The following MORC3 variants were observed in gnomAD, a reference collection of about 807,000 sequenced individuals.
MORC3 encodes MORC family CW-type zinc finger protein 3.
Under a neutral mutation model 109.1 loss-of-function variants are expected in MORC3, and 31 were observed. The observed-to-expected ratio is 0.28, with a 90% CI of 0.21 to 0.38. MORC3 has a LOEUF of 0.38. MORC3 is among the 10% of genes least tolerant of loss of function. MORC3 has a pLI of 1.00. For synonymous variants in MORC3, 395 were observed against 380.7 expected, an observed-to-expected ratio of 1.04 and a Z score of -0.44; for missense variants, 867 against 1,135.8, an observed-to-expected ratio of 0.76 and a Z score of 3.40.
chr21:36,355,258 C>T (rs1304816167), intron 9 of MORC3, among the ~76,000 whole-genome samples: 1 of 152,102 alleles, frequency 6.6e-6, no homozygotes, highest in African/African-American at 2.4e-5. Context: ...ACTTGGATGC[C>T]TTTGGTATTG....
At chr21:36,344,267 A>C (rs2085484002) in intron 6 of MORC3, among the ~76,000 whole-genome samples, 1 of 152,018 alleles carries the variant, frequency 6.6e-6, no homozygotes, top group African/African-American at 2.4e-5. Flanking sequence ...ACATATATAC[A>C]TTTTTTAAAA....
In MORC3 at chr21:36,341,448, A is replaced by C; in HGVS notation, c.658A>C (p.Arg220=). ...TTTTGAAAAGGATAAATATGATATC[A>C]GAATTCCCGAGGATTTAGATGAGAT... ...FDFEKDKYDI[R]IPEDLDEITG... is the part of the protein sequence containing the mutation. The change falls in exon 6 of 17, where the codon AGA becomes CGA. Residue 220 remains arginine, a synonymous_variant. Coordinates refer to ENST00000400485, the MANE Select transcript of MORC3 (RefSeq NM_015358.3). 6.2e-7 allele frequency: 1 copy of C among 1,613,214 alleles called. No individual in the cohort carries two copies. The highest frequency in any genetic ancestry group is 1.1e-5 in the South Asian group (1 of 90,770).
Position 36,336,999 on chromosome 21 carries a change from A to G in MORC3, c.238A>G (p.Met80Val). 1.2e-6 allele frequency: 2 copies of G among 1,609,540 alleles called. No homozygotes were observed. The highest frequency in any genetic ancestry group is 1.7e-6 in the Non-Finnish European group (2 of 1,178,616). ...TATGACTTCTGATAAATTACATAAAATGCTAAGGTAGGTAAAAATGTGCCA... is the reference window on the plus strand; with the variant it reads ...TATGACTTCTGATAAATTACATAAAGTGCTAAGGTAGGTAAAAATGTGCCA... Reference protein sequence around the residue: ...NGMTSDKLHKMLSFGFSDKVT... With the variant: ...NGMTSDKLHKVLSFGFSDKVT... Residue 80 changes from methionine (M) to valine (V), a missense_variant, in exon 3 of 17, where the codon ATG becomes GTG. Coordinates refer to ENST00000400485, the MANE Select transcript of MORC3 (RefSeq NM_015358.3).
At chr21:36,324,309 G>A (rs1185091569) in intron 1 of MORC3, among the ~76,000 whole-genome samples, 3 of 146,518 alleles carry the variant, frequency 2.0e-5, no homozygotes, top group Admixed American at 6.9e-5. Context: ...GAGTCTTCTC[G>A]CTCTGTCGTC....
At chr21:36,340,292 A>AAC (rs1487170082) in intron 5 of MORC3, among the ~76,000 whole-genome samples, 1 of 151,736 alleles carries the variant, frequency 6.6e-6, no homozygotes, top group Non-Finnish European at 1.5e-5. Flanking sequence ...AAAAAAAAAA[A>AAC]AACTATAGTA....
At chr21:36,341,336 T>C in intron 5 of MORC3, 63 bp from the exon 6 acceptor site, 2 of 1,447,712 alleles carry the variant, frequency 1.4e-6, no homozygotes, top group South Asian at 2.5e-5. Flanking sequence ...TGACTTACAG[T>C]GTTTGCTGGC....
At chr21:36,351,294 T>C (rs2085569419) in intron 9 of MORC3, among the ~76,000 whole-genome samples, 1 of 152,080 alleles carries the variant, frequency 6.6e-6, no homozygotes, top group South Asian at 2.1e-4. Flanking sequence ...TCTTGATCTG[T>C]TGACCTTGTG....
chr21:36,337,980 G>T (rs774089107), intron 4 of MORC3, 34 bp downstream of exon 4: 2 of 1,592,250 alleles, frequency 1.3e-6, no homozygotes, highest in African/African-American at 2.7e-5. Flanking sequence ...AAGCTGTGGA[G>T]AAACTGAAGA....
chr21:36,348,869 A>G (rs1258764340), intron 8 of MORC3, among the ~76,000 whole-genome samples: 1 of 151,960 alleles, frequency 6.6e-6, no homozygotes, highest in Non-Finnish European at 1.5e-5. Context: ...TCTAAATTTG[A>G]TGAGAATTGG....
chr21:36,372,338 T>C, intron 15 of MORC3, 36 bp from the exon 16 acceptor site: 1 of 1,484,552 alleles, frequency 6.7e-7, no homozygotes, highest in South Asian at 1.4e-5. Context: ...TATTTTTAAG[T>C]TTTACAGTTA....
intron 1 of MORC3, among the ~76,000 whole-genome samples, chr21:36,330,608 C>T (rs1292734858): frequency 6.6e-6 from 1 of 152,196 alleles, no homozygotes; most frequent in African/African-American, 2.4e-5. Flanking sequence ...CATGGTCACT[C>T]ATATTTGGCT....
At chr21:36,367,943 C>T (rs2085801012) in intron 14 of MORC3, among the ~76,000 whole-genome samples, 4 of 152,194 alleles carry the variant, frequency 2.6e-5, no homozygotes, top group Admixed American at 6.5e-5. Context: ...ATGTTTTCAT[C>T]ATGCAAAACT....
chr21:36,336,433 G>T (rs1449586686), intron 2 of MORC3, among the ~76,000 whole-genome samples: 2 of 151,162 alleles, frequency 1.3e-5, no homozygotes, highest in African/African-American at 2.4e-5. Context: ...TAGTAGAGAT[G>T]GGGTTTCACC....
intron 1 of MORC3, 58 bp from the exon 2 acceptor site, chr21:36,333,588 T>G: frequency 7.0e-7 from 1 of 1,421,386 alleles, no homozygotes; most frequent in South Asian, 1.2e-5. Context: ...AAAATACTGG[T>G]TTTTATTTTC....
Position 36,362,180 on chromosome 21 carries a change from A to G in MORC3, c.1407-3A>G. ...CAACATGTTTTTCATCTTTATTTTA[A>G]AGCAACAAGGAAAAATTCAGGATCA... On this transcript the variant is annotated splice_polypyrimidine_tract_variant and splice_region_variant and intron_variant, in intron 12 of 16. Coordinates refer to ENST00000400485, the MANE Select transcript of MORC3 (RefSeq NM_015358.3). The G allele has an allele frequency of 6.2e-7, 1 of 1,613,086 alleles. No homozygotes were observed. Among genetic ancestry groups the G allele is most frequent in the Non-Finnish European group, 8.5e-7 (1 of 1,179,668 alleles).
chr21:36,330,774 G>C (rs183508871), intron 1 of MORC3, among the ~76,000 whole-genome samples: 34 of 152,342 alleles, frequency 2.2e-4, no homozygotes, highest in Non-Finnish European at 4.0e-4. Context: ...TATTTGTACA[G>C]GGGAGAAGGT....
At chr21:36,368,678 A>G (rs1601541244) in intron 14 of MORC3, among the ~76,000 whole-genome samples, 1 of 152,138 alleles carries the variant, frequency 6.6e-6, no homozygotes, top group South Asian at 2.1e-4. Flanking sequence ...GGAGTTTGAG[A>G]CCAGCCTGGG....
rs1226206989 is a variant in MORC3 at position 36,375,491 on chromosome 21, T to G, written c.*195T>G. 1 of 494,092 alleles carries G rather than the reference T, an allele frequency of 2.0e-6. No individual in the cohort carries two copies. Among genetic ancestry groups the G allele is most frequent in the Non-Finnish European group, 3.5e-6 (1 of 285,014 alleles). The allele number at this position is 494,092 out of a possible 1,614,324, so 30.6% of individuals were successfully genotyped here. A position where few individuals can be genotyped will look rare whatever the true frequency, so the allele number is the denominator to read the frequency against. ...TATGTTTTGAAATACCTGTGAATTGTTGGCATTGAGCAGCTGAAGCTAACT... is the reference window on the plus strand; with the variant it reads ...TATGTTTTGAAATACCTGTGAATTGGTGGCATTGAGCAGCTGAAGCTAACT... On this transcript the variant is annotated 3_prime_UTR_variant, in exon 17 of 17. Coordinates refer to ENST00000400485, the MANE Select transcript of MORC3 (RefSeq NM_015358.3).
At chr21:36,333,513 A>T (rs2085338350) in intron 1 of MORC3, 133 bp from the exon 2 acceptor site, 2 of 678,244 alleles carry the variant, frequency 2.9e-6, no homozygotes, top group East Asian at 5.3e-5. Context: ...TATCTTCCAG[A>T]TGTATCCTGG....
Sources: gnomAD v4.1 joint callset for allele counts (sites outside exome capture counted in the v4.1 genomes callset) on GRCh38, gnomAD v4.1.1 for gene constraint, MANE v1.5 for transcripts, NCBI Gene and HGNC (gene_info 2026-07-23, HGNC 2026-07-21) for gene names.